SUMF1: variants seen among roughly 807,000 people sequenced by gnomAD.
The protein encoded by SUMF1 is sulfatase modifying factor 1.
A neutral mutation model predicts 47.6 loss-of-function variants in SUMF1; 48 were observed. The ratio of observed to expected loss-of-function variants is 1.01; its 90% CI spans 0.80 to 1.28. The LOEUF is 1.28. SUMF1 is among the 50% of genes most tolerant of loss of function. SUMF1 has a pLI of 0.00. For missense variants in SUMF1, 571 were observed against 485.4 expected, an observed-to-expected ratio of 1.18 and a Z score of -1.66; for synonymous variants, 230 against 192.1, an observed-to-expected ratio of 1.20 and a Z score of -1.63.
intron 8 of SUMF1, among the ~76,000 whole-genome samples, chr3:4,085,995 A>G (rs1043876872): frequency 3.3e-5 from 5 of 152,062 alleles, no homozygotes; most frequent in Non-Finnish European, 7.4e-5. Flanking sequence ...CTGAAGTGAA[A>G]CTCAGTCCTG....
intron 8 of SUMF1, among the ~76,000 whole-genome samples, chr3:4,289,577 T>A (rs1230597672): frequency 6.6e-6 from 1 of 152,186 alleles, no homozygotes; most frequent in African/African-American, 2.4e-5. Flanking sequence ...ATTATATCAA[T>A]TCTGTTCTTA....
intron 8 of SUMF1, among the ~76,000 whole-genome samples, chr3:4,251,281 C>T (rs1397502129): frequency 6.6e-6 from 1 of 152,134 alleles, no homozygotes; most frequent in African/African-American, 2.4e-5. Context: ...AGAAGTGGAG[C>T]CTGAATTGCT....
At chr3:4,408,734 G>A (rs1178693597) in intron 7 of SUMF1, among the ~76,000 whole-genome samples, 1 of 152,216 alleles carries the variant, frequency 6.6e-6, no homozygotes, top group African/African-American at 2.4e-5. Context: ...ACTTTGGGGG[G>A]ACAAGGCGGG....
Position 4,200,057 on chromosome 3 carries a change from G to A in SUMF1, c.1015-131312C>T, listed in dbSNP as rs188224299. ...TCATGTGTTTTGTGCCTAGCCCAAG[G>A]TCACAAATTTTTTCTCTCATCTTTA... On this transcript the variant is annotated intron_variant and NMD_transcript_variant, in intron 8 of 12. Transcript: ENST00000448413. Among the ~76,000 whole-genome samples the A allele has an allele frequency of 8.6e-5, 13 of 151,960 alleles. No individual in the cohort carries two copies. The East Asian group carries it at 2.3e-3, about 27-fold the overall frequency.
chr3:4,212,483 C>G (rs949275429), intron 8 of SUMF1, among the ~76,000 whole-genome samples: 12 of 152,058 alleles, frequency 7.9e-5, no homozygotes, highest in African/African-American at 2.7e-4. Flanking sequence ...TCTGAAAATT[C>G]CAAAAACCAG....
At chr3:4,271,077 A>G (rs189889263) in intron 8 of SUMF1, among the ~76,000 whole-genome samples, 2 of 152,330 alleles carry the variant, frequency 1.3e-5, no homozygotes, top group African/African-American at 2.4e-5. Flanking sequence ...TAAGTCCTAG[A>G]ATACATCAAA....
At chr3:4,106,330 T>C (rs1030200629) in intron 8 of SUMF1, among the ~76,000 whole-genome samples, 1 of 152,130 alleles carries the variant, frequency 6.6e-6, no homozygotes, top group Non-Finnish European at 1.5e-5. Context: ...TATTTCTACT[T>C]CTTTTTTCAG....
At position 4,376,383 on chromosome 3, in the gene SUMF1, G is replaced by C; in HGVS notation, c.961C>G (p.Pro321Ala). ...TTCACTCGGTCTTTCCCAGAAGGGG[G>C]ACCTTTCTACAGATGAAGAAAAAAG... ...SVEETLNPKG[P>A]PSGKDRVKKG... Residue 321 changes from proline (P) to alanine (A), a missense_variant, in exon 8 of 9, where the codon CCC (proline) becomes GCC (alanine). Transcript: ENST00000272902. 6.2e-7 allele frequency: 1 copy of C among 1,614,106 alleles called. No homozygotes were observed. Among genetic ancestry groups the C allele is most frequent in the Admixed American group, 1.7e-5 (1 of 60,032 alleles).
intron 3 of SUMF1, among the ~76,000 whole-genome samples, chr3:4,436,852 A>G (rs369666362): frequency 1.2e-5 from 1 of 82,972 alleles, no homozygotes; most frequent in African/African-American, 3.0e-5. Flanking sequence ...TGCATCACCT[A>G]AAAAAAAAAA....
chr3:4,209,151 A>G (rs1695719667), intron 8 of SUMF1, among the ~76,000 whole-genome samples: 1 of 152,182 alleles, frequency 6.6e-6, no homozygotes, highest in South Asian at 2.1e-4. Context: ...TAATGATTCA[A>G]TTCAATAAAA....
intron 8 of SUMF1, among the ~76,000 whole-genome samples, chr3:4,349,498 G>T (rs763368332): frequency 2.0e-5 from 3 of 152,094 alleles, no homozygotes; most frequent in Non-Finnish European, 2.9e-5. Context: ...ATACCCAAAG[G>T]AATATAAATC....
intron 8 of SUMF1, among the ~76,000 whole-genome samples, chr3:4,276,296 T>G (rs1212384562): frequency 6.6e-6 from 1 of 152,210 alleles, no homozygotes; most frequent in Non-Finnish European, 1.5e-5. Context: ...ATATGCATGT[T>G]GATTTAAATG....
Position 4,162,786 on chromosome 3 carries a change from C to G in SUMF1, c.1015-94041G>C, listed in dbSNP as rs530065321. 4.6e-5 allele frequency among the ~76,000 whole-genome samples: 7 copies of G among 152,056 alleles called. 1 individual carries two copies. Among genetic ancestry groups the G allele is most frequent in the Non-Finnish European group, 7.3e-5 (5 of 68,042 alleles). On this transcript the variant is annotated intron_variant and NMD_transcript_variant, in intron 8 of 12. Coordinates refer to the SUMF1 transcript ENST00000448413. The stretch of plus-strand genomic sequence containing the variant: ...TAAAACCAGGTACTGTGATCACTCA[C>G]CTGATTTTTTGTTCTTATGAAGGTG...
rs575310984 is a variant in SUMF1 at position 4,305,211 on chromosome 3, G to C, written c.1014+71119C>G. On this transcript the variant is annotated intron_variant and NMD_transcript_variant, in intron 8 of 12. Coordinates refer to the SUMF1 transcript ENST00000448413. The stretch of plus-strand genomic sequence containing the variant: ...AGCGATTCTTCCACCTCAGCTTCCC[G>C]AGTAGCTGGAATTACAGGCGCCTAC... Among the ~76,000 whole-genome samples the C allele has an allele frequency of 2.6e-5, 4 of 152,150 alleles. No homozygotes were observed. The East Asian group carries it at 7.7e-4, about 29-fold the overall frequency.
At chr3:4,263,897 T>C (rs971298109) in intron 8 of SUMF1, among the ~76,000 whole-genome samples, 15 of 152,180 alleles carry the variant, frequency 9.9e-5, no homozygotes, top group East Asian at 1.9e-4. Context: ...TTTTATTTTA[T>C]TTATTGTTTC....
At chr3:4,286,566 T>G (rs1697637127) in intron 8 of SUMF1, among the ~76,000 whole-genome samples, 1 of 152,174 alleles carries the variant, frequency 6.6e-6, no homozygotes, top group South Asian at 2.1e-4. Context: ...TTGTTTAAAT[T>G]TCATTTTCAT....
At chr3:4,218,761 T>C (rs1014362617) in intron 8 of SUMF1, among the ~76,000 whole-genome samples, 3 of 152,194 alleles carry the variant, frequency 2.0e-5, no homozygotes, top group African/African-American at 7.2e-5. Flanking sequence ...AAAACTAGAC[T>C]AACTATGACG....
chr3:4,262,882 C>A (rs937215331), intron 8 of SUMF1, among the ~76,000 whole-genome samples: 1 of 152,032 alleles, frequency 6.6e-6, no homozygotes, highest in East Asian at 1.9e-4. Context: ...CAAAGTGCTA[C>A]GTAAAGAAGA....
rs573464425 is a variant in SUMF1 at position 4,222,104 on chromosome 3, T to C, written c.1015-153359A>G. ...ATATAATAAGATTTCATTTTGATTA[T>C]ATAATACAGTAAAAAGTAACTGGAA... is the stretch of plus-strand genomic sequence containing the variant. On this transcript the variant is annotated intron_variant and NMD_transcript_variant, in intron 8 of 12. Transcript: ENST00000448413. Among the ~76,000 whole-genome samples the C allele has an allele frequency of 2.6e-5, 4 of 152,278 alleles. No individual in the cohort carries two copies. The East Asian group carries it at 7.7e-4, about 29-fold the overall frequency.
Sources: gnomAD v4.1 joint callset for allele counts (sites outside exome capture counted in the v4.1 genomes callset) on GRCh38, gnomAD v4.1.1 for gene constraint, MANE v1.5 for transcripts, NCBI Gene and HGNC (gene_info 2026-07-23, HGNC 2026-07-21) for gene names.